The following MACF1 variants were observed in gnomAD, a reference collection of about 807,000 sequenced individuals.
The protein encoded by MACF1 is microtubule actin crosslinking factor 1.
MACF1 carries 193 observed loss-of-function variants against 854.8 expected under a neutral mutation model. The ratio of observed to expected loss-of-function variants is 0.23; its 90% CI spans 0.20 to 0.25. The LOEUF is 0.25. Among genes scored for constraint, MACF1 ranks in the 10% least tolerant of loss-of-function variants. MACF1 has a pLI of 1.00. For missense variants in MACF1, 7,722 were observed against 8,929.1 expected, an observed-to-expected ratio of 0.86 and a Z score of 5.45; for synonymous variants, 3,185 against 3,226.7, an observed-to-expected ratio of 0.99 and a Z score of 0.44.
At chr1:39,426,170 A>G (rs890589029) in intron 61 of MACF1, among the ~76,000 whole-genome samples, 58 of 152,340 alleles carry the variant, frequency 3.8e-4, no homozygotes, top group African/African-American at 1.4e-3. Context: ...TAGTTGCATT[A>G]CTTGAAGATA....
rs751444078 is a variant in MACF1 at position 39,410,853 on chromosome 1, T to C, written c.15817-11521T>C. 5 of 1,614,020 alleles carry C rather than the reference T, an allele frequency of 3.1e-6. No individual in the cohort carries two copies. In the East Asian group the frequency reaches 8.9e-5, roughly 29 times the overall value. On this transcript the variant is annotated intron_variant, in intron 58 of 100. Coordinates refer to ENST00000564288, the MANE Select transcript of MACF1 (RefSeq NM_001394062.1). ...AGTCAGAGTCAGTAACTCTGGAACATGTGTCCAAATCCATAGGTATTCCAG... is the reference window on the plus strand; with the variant it reads ...AGTCAGAGTCAGTAACTCTGGAACACGTGTCCAAATCCATAGGTATTCCAG...
At chr1:39,397,188 G>C (rs866530526) in intron 58 of MACF1, among the ~76,000 whole-genome samples, 3 of 152,270 alleles carry the variant, frequency 2.0e-5, no homozygotes, top group Non-Finnish European at 1.5e-5. Flanking sequence ...GTGTACAGAT[G>C]TGCCTTGACT....
chr1:39,385,698 C>T lies in MACF1; in HGVS notation c.14113C>T (p.Arg4705Trp), dbSNP rs780395924. 2.5e-5 allele frequency: 41 copies of T among 1,614,018 alleles called. No individual in the cohort carries two copies. The highest frequency in any genetic ancestry group is 4.4e-5 in the South Asian group (4 of 91,088). Reference protein sequence around the residue: ...LSEKVRAVGQRLSVQSAISTQ... With the variant: ...LSEKVRAVGQWLSVQSAISTQ... ...AGAGAAGGTGAGGGCAGTTGGACAA[C>T]GGCTGAGTGTCCAGTCAGCTATCAG... The change falls in exon 57 of 101, where the codon CGG becomes TGG. Residue 4705 changes from arginine (R) to tryptophan (W), a missense_variant. Physicochemically the swap from Arg to Trp is moderately radical, Grantham distance 101. Around this residue, in one of 15 missense-constraint regions of MACF1, gnomAD observed 2,807 missense variants for 3,235.8 expected, o/e 0.87. Coordinates refer to ENST00000564288, the MANE Select transcript of MACF1 (RefSeq NM_001394062.1).
At chr1:39,414,337 G>A (rs1453624466) in intron 58 of MACF1, 1 of 1,614,026 alleles carries the variant, frequency 6.2e-7, no homozygotes, top group Admixed American at 1.7e-5. Context: ...AGGAACACCT[G>A]TTCTAGAGGA....
chr1:39,436,024 T>A, intron 70 of MACF1: 1 of 456,758 alleles, frequency 2.2e-6, no homozygotes, highest in Non-Finnish European at 3.8e-6. Flanking sequence ...GTTGTGATGA[T>A]CCTTTAGCAG....
chr1:39,153,724 GC>G (rs1643628181), intron 2 of MACF1, among the ~76,000 whole-genome samples: 2 of 152,174 alleles, frequency 1.3e-5, no homozygotes, highest in Admixed American at 6.5e-5. Flanking sequence ...GAAGTATGAA[GC>G]CTGACTTTTT....
chr1:39,172,010 T>A (rs1643956552), intron 2 of MACF1, among the ~76,000 whole-genome samples: 1 of 152,216 alleles, frequency 6.6e-6, no homozygotes, highest in Non-Finnish European at 1.5e-5. Context: ...TTGTTTCAAG[T>A]TGCTATTATT....
At chr1:39,410,014 C>A in intron 58 of MACF1, 1 of 394,164 alleles carries the variant, frequency 2.5e-6, no homozygotes, top group Non-Finnish European at 4.5e-6. Context: ...ATAAGCCATA[C>A]AAGGAATTAT....
At chr1:39,143,074 A>C (rs1479641723) in intron 2 of MACF1, among the ~76,000 whole-genome samples, 1 of 152,194 alleles carries the variant, frequency 6.6e-6, no homozygotes, top group Non-Finnish European at 1.5e-5. Context: ...TATCTTACAC[A>C]GGAGGGCCCA....
chr1:39,134,621 TTTGTAAAATATTGG>T (rs1194661073), intron 2 of MACF1, among the ~76,000 whole-genome samples: 1 of 152,208 alleles, frequency 6.6e-6, no homozygotes, highest in African/African-American at 2.4e-5. Context: ...TAATTCCCCA[TTTGTAAAATATTGG>T]TGGTGATAAC....
At chr1:39,288,136 C>T (rs993314719) in intron 15 of MACF1, among the ~76,000 whole-genome samples, 4 of 152,038 alleles carry the variant, frequency 2.6e-5, no homozygotes, top group African/African-American at 9.7e-5. Context: ...ATGAGGTATC[C>T]GTCATCTCAG....
chr1:39,266,985 G>T (rs918983587), intron 6 of MACF1, among the ~76,000 whole-genome samples: 1 of 152,106 alleles, frequency 6.6e-6, no homozygotes, highest in Admixed American at 6.5e-5. Context: ...CTCCCAAATG[G>T]CAACAAGTGT....
At position 39,084,228 on chromosome 1, in the gene MACF1, T is replaced by A; in HGVS notation, c.10T>A (p.Ser4Thr). Residue 4 changes from serine to threonine, a missense_variant, in exon 2 of 94, where the codon TCA becomes ACA. By Grantham distance (58) the Ser-to-Thr change is moderately conservative. Coordinates refer to the MACF1 transcript ENST00000361689. The surrounding 1 kb of genome is among the most constrained non-coding windows in gnomAD (Gnocchi z 5.2). ...AGCCCCCGCCTGGGCCATGTCTTCC[T>A]CAGATGAAGAGACGCTCAGTGAGCG... is the stretch of plus-strand genomic sequence containing the variant. The A allele has an allele frequency of 6.2e-7, 1 of 1,612,352 alleles. No homozygotes were observed. The highest frequency in any genetic ancestry group is 8.5e-7 in the Non-Finnish European group (1 of 1,179,776).
chr1:39,283,828 C>G lies in MACF1; in HGVS notation c.916-238C>G, dbSNP rs112030692. Among the ~76,000 whole-genome samples, 1 of 150,556 alleles carries G rather than the reference C, an allele frequency of 6.6e-6. No individual in the cohort carries two copies. Among genetic ancestry groups the G allele is most frequent in the Non-Finnish European group, 1.5e-5 (1 of 68,014 alleles). ...CAGCTTGATTAGGTAGATCATGGCT[C>G]TTTTCAGAATATTTTTAGTAGCTTG... On this transcript the variant is annotated intron_variant, in intron 9 of 100. Coordinates refer to ENST00000564288, the MANE Select transcript of MACF1 (RefSeq NM_001394062.1). This position sits in a 1 kb window ranked among gnomAD's most constrained non-coding sequence, Gnocchi z 4.5.
At chr1:39,389,294 A>G (rs930926130) in intron 58 of MACF1, among the ~76,000 whole-genome samples, 2 of 150,594 alleles carry the variant, frequency 1.3e-5, no homozygotes, top group African/African-American at 2.4e-5. Flanking sequence ...TTGAGATTTC[A>G]GATTACCAGA....
chr1:39,338,148 G>A (rs1337956104), intron 38 of MACF1, among the ~76,000 whole-genome samples: 2 of 152,114 alleles, frequency 1.3e-5, no homozygotes, highest in Non-Finnish European at 2.9e-5. Flanking sequence ...AACTATTGCA[G>A]TAATTCAAGC....
At position 39,378,472 on chromosome 1, in the gene MACF1, C is replaced by T. The variant is rs1163973793; in HGVS notation, c.13225C>T (p.Pro4409Ser). Residue 4409 changes from proline to serine, a missense_variant, in exon 53 of 101, where the codon CCC becomes TCC. By Grantham distance (74) the Pro-to-Ser change is moderately conservative. This residue lies in a region of MACF1 where 2,807 missense variants were observed against 3,235.8 expected (regional missense o/e 0.87). Transcript: ENST00000564288. The stretch of plus-strand genomic sequence containing the variant: ...GTCCTTCTGCTCAGGTTCCATACTG[C>T]CCTCTGTAGGAAGCTCTGTAGGCAG... Reference protein sequence around the residue: ...DSQGKTGSILPSVGSSVGSVN... With the variant: ...DSQGKTGSILSSVGSSVGSVN... 2 of 1,613,784 alleles carry T rather than the reference C, an allele frequency of 1.2e-6. No individual in the cohort carries two copies. Among genetic ancestry groups the T allele is most frequent in the Non-Finnish European group, 8.5e-7 (1 of 1,179,786 alleles).
chr1:39,111,476 A>G lies in MACF1; in HGVS notation c.220+27038A>G, dbSNP rs544555579. Among the ~76,000 whole-genome samples the G allele has an allele frequency of 1.9e-3, 295 of 151,864 alleles. 2 individuals carry two copies. The highest frequency in any genetic ancestry group is 6.9e-3 in the African/African-American group (285 of 41,382). On this transcript the variant is annotated intron_variant, in intron 2 of 93. Transcript: ENST00000361689. Reference sequence around the variant, plus strand: ...CGGCTCACTGCAAGCTCCGCCTCCCAGGTTCATGCCATTCTCCTGTCTCAG... The same window carrying G: ...CGGCTCACTGCAAGCTCCGCCTCCCGGGTTCATGCCATTCTCCTGTCTCAG...
intron 2 of MACF1, among the ~76,000 whole-genome samples, chr1:39,245,711 G>A (rs368471703): frequency 8.5e-5 from 13 of 152,338 alleles, no homozygotes; most frequent in East Asian, 5.8e-4. Context: ...AATATGGCAA[G>A]ACTGTGTCTC....
Sources: allele counts gnomAD v4.1 joint callset (sites outside exome capture counted in the v4.1 genomes callset), GRCh38; gene constraint gnomAD v4.1.1; regional missense constraint gnomAD v4.1.1; non-coding constraint Gnocchi (gnomAD v3.1); transcripts MANE v1.5; gene names NCBI Gene and HGNC (gene_info 2026-07-23, HGNC 2026-07-21).